MRPL50: variants seen among roughly 807,000 people sequenced by gnomAD.
MRPL50 encodes the protein large ribosomal subunit protein mL50.
MRPL50 carries 10 observed loss-of-function variants against 16.2 expected under a neutral mutation model. That is an observed-to-expected ratio of 0.62 (90% CI 0.38 to 1.05). The LOEUF is 1.05. Among genes scored for constraint, MRPL50 ranks in the 50% least tolerant of loss-of-function variants. The pLI, the probability that MRPL50 is intolerant of heterozygous loss-of-function variation, is 0.01. For missense variants in MRPL50, 213 were observed against 187.1 expected, an observed-to-expected ratio of 1.14 and a Z score of -0.81; for synonymous variants, 68 against 66.8, an observed-to-expected ratio of 1.02 and a Z score of -0.09.
chr9:101,388,995 A>G lies in MRPL50; in HGVS notation c.*1471T>C, dbSNP rs892207602. 2 of 63,886 alleles carry G rather than the reference A, an allele frequency of 3.1e-5. No individual in the cohort carries two copies. 4.0% of individuals were successfully genotyped at this position (63,886 alleles called of 1,614,324 possible). ...CTATTTACATTCACAACTATAACAT[A>G]TAACATATTATTCACAATAGTTATG... On this transcript the variant is annotated 3_prime_UTR_variant, in exon 2 of 2. Coordinates refer to ENST00000374865, the MANE Select transcript of MRPL50 (RefSeq NM_019051.3).
chr9:101,393,716 G>A (rs1830302743), intron 1 of MRPL50, among the ~76,000 whole-genome samples: 1 of 151,108 alleles, frequency 6.6e-6, no homozygotes, highest in African/African-American at 2.4e-5. Context: ...AAAAATCTAG[G>A]AATAAACTTC....
At chr9:101,391,283 T>C (rs779769404) in intron 1 of MRPL50, among the ~76,000 whole-genome samples, 6 of 152,174 alleles carry the variant, frequency 3.9e-5, no homozygotes, top group Admixed American at 6.5e-5. Flanking sequence ...GCCTGTCTTT[T>C]ATCTTCACCT....
intron 1 of MRPL50, among the ~76,000 whole-genome samples, chr9:101,393,494 GAT>G (rs1479611557): frequency 6.6e-6 from 1 of 151,988 alleles, no homozygotes; most frequent in African/African-American, 2.4e-5. Context: ...TCATACGTAA[GAT>G]ATATGATCTT....
intron 1 of MRPL50, among the ~76,000 whole-genome samples, chr9:101,394,973 C>T (rs1022118055): frequency 1.3e-5 from 2 of 151,914 alleles, no homozygotes; most frequent in African/African-American, 2.4e-5. Flanking sequence ...GCAAAGGCAA[C>T]AATAAACAAA....
At position 101,390,413 on chromosome 9, in the gene MRPL50, C is replaced by T. The variant is rs904194927; in HGVS notation, c.*53G>A. The T allele has an allele frequency of 1.9e-6, 3 of 1,553,310 alleles. No homozygotes were observed. In the East Asian group the frequency reaches 6.7e-5, roughly 35 times the overall value. On this transcript the variant is annotated 3_prime_UTR_variant, in exon 2 of 2. Coordinates refer to ENST00000374865, the MANE Select transcript of MRPL50 (RefSeq NM_019051.3). ...AAGTATCAAAAGATCTAATGAGCAG[C>T]CCCCTTGCTCAGGGAAAGACAGTGA...
intron 1 of MRPL50, among the ~76,000 whole-genome samples, chr9:101,394,249 C>A (rs189654595): frequency 6.6e-6 from 1 of 152,126 alleles, no homozygotes; most frequent in Non-Finnish European, 1.5e-5. Context: ...ATTCAGACTC[C>A]GGCTGCAAGA....
At chr9:101,397,817 C>T (rs1470624815) in intron 1 of MRPL50, among the ~76,000 whole-genome samples, 1 of 152,156 alleles carries the variant, frequency 6.6e-6, no homozygotes, top group African/African-American at 2.4e-5. Context: ...TAAACACTAT[C>T]TAAGTCAAAT....
chr9:101,388,473 G>A lies in MRPL50; in HGVS notation c.*1993C>T, dbSNP rs1236718927. 1 of 152,036 alleles carries A rather than the reference G, an allele frequency of 6.6e-6. No individual in the cohort carries two copies. Among genetic ancestry groups the A allele is most frequent in the African/African-American group, 2.4e-5 (1 of 41,402 alleles). 9.4% of individuals were successfully genotyped at this position (152,036 alleles called of 1,614,324 possible). A position where few individuals can be genotyped will look rare whatever the true frequency, so the allele number is the denominator to read the frequency against. On this transcript the variant is annotated 3_prime_UTR_variant, in exon 2 of 2. Transcript: ENST00000374865. ...GTACATAAAATTCCAATGATTCCAT[G>A]CTGAATCTTTTACACAGCAGAAGCA...
At position 101,390,723 on chromosome 9, in the gene MRPL50, C is replaced by T. The variant is rs368327356; in HGVS notation, c.220G>A (p.Val74Ile). Residue 74 changes from valine to isoleucine, a missense_variant, in exon 2 of 2, where the codon GTT (valine) becomes ATT (isoleucine). Coordinates refer to ENST00000374865, the MANE Select transcript of MRPL50 (RefSeq NM_019051.3). The part of the protein sequence containing the change: ...EDLQSRLESY[V>I]KEVFGSSLPS... Reference sequence around the variant, plus strand: ...AGAGATGAACCAAAAACTTCTTTAACGTAAGATTCCAAACGACTCTGGAGA... The same window carrying T: ...AGAGATGAACCAAAAACTTCTTTAATGTAAGATTCCAAACGACTCTGGAGA... 2.9e-5 allele frequency: 46 copies of T among 1,612,846 alleles called. No homozygotes were observed. Among genetic ancestry groups the T allele is most frequent in the Middle Eastern group, 3.3e-4 (2 of 6,060 alleles).
Position 101,389,364 on chromosome 9 carries a change from T to C in MRPL50, c.*1102A>G. On this transcript the variant is annotated 3_prime_UTR_variant, in exon 2 of 2. Coordinates refer to ENST00000374865, the MANE Select transcript of MRPL50 (RefSeq NM_019051.3). ...GCTCCAGGCACTCTGACACCTGAAG[T>C]TCTTGAATGAAGTGCCTGTGGATGA... 1 of 893,724 alleles carries C rather than the reference T, an allele frequency of 1.1e-6. No individual in the cohort carries two copies. Among genetic ancestry groups the C allele is most frequent in the Non-Finnish European group, 1.5e-6 (1 of 649,788 alleles). The allele number at this position is 893,724 out of a possible 1,614,324, so 55.4% of individuals were successfully genotyped here. A position where few individuals can be genotyped will look rare whatever the true frequency, so the allele number is the denominator to read the frequency against.
In MRPL50 at chr9:101,392,790, A is replaced by G. The variant is rs542256363; in HGVS notation, c.93-1940T>C. Among the ~76,000 whole-genome samples the G allele has an allele frequency of 2.6e-5, 4 of 152,202 alleles. No individual in the cohort carries two copies. In the South Asian group the frequency reaches 8.3e-4, roughly 32 times the overall value. On this transcript the variant is annotated intron_variant, in intron 1 of 1. Coordinates refer to ENST00000374865, the MANE Select transcript of MRPL50 (RefSeq NM_019051.3). Reference sequence around the variant, plus strand: ...GAGAATACTTCCAAACACACTCTACAAGGCCAGCATTACCCTGAGGCCAAA... The same window carrying G: ...GAGAATACTTCCAAACACACTCTACGAGGCCAGCATTACCCTGAGGCCAAA...
Position 101,389,503 on chromosome 9 carries a change from A to C in MRPL50, c.*963T>G, listed in dbSNP as rs938955227. 10 of 1,283,002 alleles carry C rather than the reference A, an allele frequency of 7.8e-6. No individual in the cohort carries two copies. The highest frequency in any genetic ancestry group is 3.1e-5 in the African/African-American group (2 of 65,568). The allele number at this position is 1,283,002 out of a possible 1,614,324, so 79.5% of individuals were successfully genotyped here. A position where few individuals can be genotyped will look rare whatever the true frequency, so the allele number is the denominator to read the frequency against. ...AGGAGTAACCCTGGGAAAGAGAATAAATGCAACTTATTTTGTTAAAAACCC... is the reference window on the plus strand; with the variant it reads ...AGGAGTAACCCTGGGAAAGAGAATACATGCAACTTATTTTGTTAAAAACCC... On this transcript the variant is annotated 3_prime_UTR_variant, in exon 2 of 2. Coordinates refer to ENST00000374865, the MANE Select transcript of MRPL50 (RefSeq NM_019051.3).
chr9:101,397,241 A>C (rs13440171), intron 1 of MRPL50, among the ~76,000 whole-genome samples: 314 of 152,284 alleles, frequency 2.1e-3, no homozygotes, highest in African/African-American at 7.4e-3. Flanking sequence ...TGGGAAAATT[A>C]CTTGAGTCCA....
chr9:101,391,701 T>C (rs1830276330), intron 1 of MRPL50, among the ~76,000 whole-genome samples: 1 of 151,936 alleles, frequency 6.6e-6, no homozygotes, highest in Non-Finnish European at 1.5e-5. Flanking sequence ...TATTAATAGA[T>C]CTAAAGGAAG....
At chr9:101,397,183 AGGTGTGGT>A (rs1239930939) in intron 1 of MRPL50, among the ~76,000 whole-genome samples, 3 of 151,826 alleles carry the variant, frequency 2.0e-5, no homozygotes, top group Non-Finnish European at 4.4e-5. Flanking sequence ...CTAACTGGCC[AGGTGTGGT>A]GGCTCACCCC....
At chr9:101,392,833 T>C (rs970908341) in intron 1 of MRPL50, among the ~76,000 whole-genome samples, 5 of 150,888 alleles carry the variant, frequency 3.3e-5, no homozygotes, top group Non-Finnish European at 7.4e-5. Flanking sequence ...AAAGACAAAA[T>C]AAAAAAGGAA....
intron 1 of MRPL50, among the ~76,000 whole-genome samples, chr9:101,392,469 A>T (rs1488945867): frequency 6.6e-6 from 1 of 151,828 alleles, no homozygotes. Flanking sequence ...TTACACTGAT[A>T]TCACAAAAAT....
chr9:101,391,680 C>T (rs1830276047), intron 1 of MRPL50, among the ~76,000 whole-genome samples: 1 of 151,984 alleles, frequency 6.6e-6, no homozygotes, highest in Non-Finnish European at 1.5e-5. Flanking sequence ...AACCTAAACA[C>T]ATAACACAAA....
chr9:101,395,880 T>G (rs1830333326), intron 1 of MRPL50, among the ~76,000 whole-genome samples: 1 of 152,162 alleles, frequency 6.6e-6, no homozygotes. Context: ...GTGTTTGATT[T>G]CACAATTGGG....
Sources: allele counts gnomAD v4.1 joint callset (sites outside exome capture counted in the v4.1 genomes callset), GRCh38; gene constraint gnomAD v4.1.1; transcripts MANE v1.5; gene names NCBI Gene and HGNC (gene_info 2026-07-23, HGNC 2026-07-21).